Variants in THSD4 observed in about 807,000 individuals in gnomAD.
THSD4 encodes thrombospondin type-1 domain-containing protein 4.
Under a neutral mutation model 119.0 loss-of-function variants are expected in THSD4, and 69 were observed. That is an observed-to-expected ratio of 0.58 (90% CI 0.48 to 0.71). THSD4 has a LOEUF of 0.71. Ranked by LOEUF, THSD4 falls within the 30% of genes least tolerant of loss-of-function variation. The probability of loss-of-function intolerance (pLI) is 0.00; values close to 1 mark genes in which losing one functional copy is unlikely to be tolerated. For synonymous variants in THSD4, 524 were observed against 540.4 expected (o/e 0.97, Z 0.42); for missense variants, 1,393 against 1,391.1 (o/e 1.00, Z -0.02).
intron 7 of THSD4, among the ~76,000 whole-genome samples, chr15:71,505,062 A>C (rs1685756353): frequency 6.6e-6 from 1 of 152,202 alleles, no homozygotes; most frequent in Non-Finnish European, 1.5e-5. Flanking sequence ...AAGTGTCCTC[A>C]TCCCATCATT....
intron 7 of THSD4, among the ~76,000 whole-genome samples, chr15:71,554,900 A>G (rs2048994752): frequency 6.6e-6 from 1 of 152,220 alleles, no homozygotes; most frequent in African/African-American, 2.4e-5. Context: ...GAAGTAGTAT[A>G]ATAAAGCAAA....
At chr15:71,460,583 A>G (rs1253720644) in intron 7 of THSD4, among the ~76,000 whole-genome samples, 1 of 152,064 alleles carries the variant, frequency 6.6e-6, no homozygotes, top group Non-Finnish European at 1.5e-5. Context: ...GTGGGAGCTG[A>G]TTTATCCTGG....
At chr15:71,189,631 C>T (rs1361738563) in intron 3 of THSD4, among the ~76,000 whole-genome samples, 2 of 151,450 alleles carry the variant, frequency 1.3e-5, no homozygotes, top group South Asian at 2.1e-4. Context: ...GATCGCGCCA[C>T]TGCACTCCAG....
At chr15:71,225,608 C>T (rs1275579271) in intron 4 of THSD4, among the ~76,000 whole-genome samples, 5 of 139,022 alleles carry the variant, frequency 3.6e-5, no homozygotes, top group Non-Finnish European at 7.5e-5. Flanking sequence ...AGTGCAGTGG[C>T]ACAATCTTGG....
At chr15:71,246,442 A>C (rs1229165959) in intron 5 of THSD4, among the ~76,000 whole-genome samples, 2 of 152,266 alleles carry the variant, frequency 1.3e-5, no homozygotes, top group Non-Finnish European at 1.5e-5. Flanking sequence ...CTTTACCTTT[A>C]CGCAGTGACA....
upstream of THSD4, chr15:71,110,779 C>T (rs182207939): frequency 3.4e-4 from 91 of 266,930 alleles, no homozygotes; most frequent in Admixed American, 4.0e-3. Context: ...CAGTCTCCCA[C>T]GCTGTCCCCT....
intron 8 of THSD4, among the ~76,000 whole-genome samples, chr15:71,714,844 A>G (rs1315633236): frequency 6.6e-6 from 1 of 152,192 alleles, no homozygotes; most frequent in Non-Finnish European, 1.5e-5. Flanking sequence ...CAATTTACCC[A>G]CATAACAATC....
intron 7 of THSD4, among the ~76,000 whole-genome samples, chr15:71,459,160 C>CTTTTTTTTTTTTTTTTT (rs372209662): frequency 5.4e-5 from 7 of 128,880 alleles, no homozygotes; most frequent in African/African-American, 1.7e-4. Flanking sequence ...TTCTTTTTTT[C>CTTTTTTTTTTTTTTTTT]TTTTTTTTTT....
chr15:71,371,675 T>C (rs998696847), intron 6 of THSD4, among the ~76,000 whole-genome samples: 2 of 152,244 alleles, frequency 1.3e-5, no homozygotes, highest in East Asian at 3.8e-4. Flanking sequence ...CTTCCCTTTG[T>C]GGGTAAACCG....
chr15:71,133,321 G>A (rs976066421), intron 1 of THSD4, among the ~76,000 whole-genome samples: 1 of 152,158 alleles, frequency 6.6e-6, no homozygotes, highest in Non-Finnish European at 1.5e-5. Context: ...TTTGGATCCT[G>A]GGCTGCGCAG....
chr15:71,456,323 A>G (rs1010706965), intron 7 of THSD4, among the ~76,000 whole-genome samples: 10 of 152,224 alleles, frequency 6.6e-5, no homozygotes, highest in African/African-American at 2.4e-4. Flanking sequence ...ACTTCTGGAA[A>G]GAATTTTTGC....
intron 7 of THSD4, among the ~76,000 whole-genome samples, chr15:71,507,845 C>T (rs934766444): frequency 6.6e-6 from 1 of 152,122 alleles, no homozygotes; most frequent in African/African-American, 2.4e-5. Flanking sequence ...AGAGACAAAC[C>T]CCATGAAGCT....
At chr15:71,720,890 AC>A (rs1355737351) in intron 8 of THSD4, among the ~76,000 whole-genome samples, 1 of 152,206 alleles carries the variant, frequency 6.6e-6, no homozygotes, top group Non-Finnish European at 1.5e-5. Context: ...GCTAGGAGAA[AC>A]TTTTTTTTCT....
intron 1 of THSD4, among the ~76,000 whole-genome samples, chr15:71,119,428 T>C (rs2040390483): frequency 6.6e-6 from 1 of 152,154 alleles, no homozygotes; most frequent in African/African-American, 2.4e-5. Flanking sequence ...TAGCGACAGG[T>C]GGTGGGTTAA....
chr15:71,307,346 T>C lies in THSD4; in HGVS notation c.1015+50631T>C, dbSNP rs2045044532. On this transcript the variant is annotated intron_variant, in intron 6 of 17. Transcript: ENST00000261862. ...CTTGGTATTATACCCAGTTTCTACA[T>C]CTGTGTGATTGATGTGTATGTTAAG... 3.3e-5 allele frequency among the ~76,000 whole-genome samples: 5 copies of C among 152,184 alleles called. No individual in the cohort carries two copies. The South Asian group carries it at 1.0e-3, about 31-fold the overall frequency.
At chr15:71,349,996 C>T (rs960015560) in intron 6 of THSD4, among the ~76,000 whole-genome samples, 9 of 152,092 alleles carry the variant, frequency 5.9e-5, no homozygotes, top group African/African-American at 2.2e-4. Context: ...TATGGAAGTG[C>T]TGACATGCCG....
rs531007984 is a variant in THSD4, at chr15:71,362,696, C to T, written c.1016-48991C>T. ...ATAAATTAATTTCCATGCATGGTCC[C>T]GGTGCTATGCTCTGGAGTTACTGCC... On this transcript the variant is annotated intron_variant, in intron 6 of 17. Transcript: ENST00000261862. Among the ~76,000 whole-genome samples the T allele has an allele frequency of 8.5e-5, 13 of 152,210 alleles. No homozygotes were observed. In the East Asian group the frequency reaches 1.4e-3, roughly 16 times the overall value.
intron 7 of THSD4, among the ~76,000 whole-genome samples, chr15:71,608,475 G>A (rs2050160262): frequency 6.6e-6 from 1 of 152,080 alleles, no homozygotes; most frequent in Non-Finnish European, 1.5e-5. Context: ...TTACACACAT[G>A]ATATGAGCAT....
intron 8 of THSD4, among the ~76,000 whole-genome samples, chr15:71,682,444 T>A (rs2051801793): frequency 6.6e-6 from 1 of 152,240 alleles, no homozygotes; most frequent in Admixed American, 6.5e-5. Context: ...GTCCCCTCTC[T>A]GTCACTAACC....
Sources: allele counts gnomAD v4.1 joint callset (sites outside exome capture counted in the v4.1 genomes callset), GRCh38; gene constraint gnomAD v4.1.1; transcripts MANE v1.5; gene names NCBI Gene and HGNC (gene_info 2026-07-23, HGNC 2026-07-21).